ZBTB20: variants seen among roughly 807,000 people sequenced by gnomAD.
The protein encoded by ZBTB20 is zinc finger and BTB domain-containing protein 20.
In ZBTB20, 9 loss-of-function variants were observed where a neutral mutation model predicts 56.9. The observed-to-expected ratio is 0.16, with a 90% CI of 0.10 to 0.28. ZBTB20 has a LOEUF of 0.28. ZBTB20 is among the 10% of genes least tolerant of loss of function. ZBTB20 has a pLI of 1.00. For missense variants in ZBTB20, 655 were observed against 1,003.0 expected, an observed-to-expected ratio of 0.65 and a Z score of 4.69; for synonymous variants, 417 against 420.7, an observed-to-expected ratio of 0.99 and a Z score of 0.11.
At chr3:115,138,828 G>C (rs2084729097) in intron 1 of ZBTB20, among the ~76,000 whole-genome samples, 1 of 151,968 alleles carries the variant, frequency 6.6e-6, no homozygotes, top group Admixed American at 6.6e-5. Context: ...TTTAATACAA[G>C]GATAGAATGC....
chr3:114,792,503 T>C (rs2071032852), intron 5 of ZBTB20, among the ~76,000 whole-genome samples: 1 of 152,172 alleles, frequency 6.6e-6, no homozygotes, highest in African/African-American at 2.4e-5. Context: ...CCCTAACAGG[T>C]AGCATTGCTT....
intron 6 of ZBTB20, among the ~76,000 whole-genome samples, chr3:114,563,024 C>T (rs2052277163): frequency 6.6e-6 from 1 of 152,156 alleles, no homozygotes; most frequent in South Asian, 2.1e-4. Context: ...GAAGTGAGCA[C>T]ATGCTGTTGG....
At chr3:115,053,857 T>G (rs1216193079) in intron 2 of ZBTB20, among the ~76,000 whole-genome samples, 1 of 152,142 alleles carries the variant, frequency 6.6e-6, no homozygotes, top group Non-Finnish European at 1.5e-5. Context: ...CAACAGAATG[T>G]GTCGGTATAA....
Position 114,722,160 on chromosome 3 carries a change from C to T in ZBTB20, c.-342-28585G>A, listed in dbSNP as rs557971496. Among the ~76,000 whole-genome samples, 17 of 152,264 alleles carry T rather than the reference C, an allele frequency of 1.1e-4. 1 individual carries two copies. The South Asian group carries it at 3.5e-3, about 32-fold the overall frequency. ...GGGTGTAAAAGTCAAAAGAGTATGA[C>T]CCAGAGTCAGACAAATATTGGTTCA... On this transcript the variant is annotated intron_variant, in intron 5 of 11. Coordinates refer to ENST00000675478, the MANE Select transcript of ZBTB20 (RefSeq NM_001348800.3).
chr3:115,024,090 G>C (rs2080315700), intron 2 of ZBTB20, among the ~76,000 whole-genome samples: 2 of 151,056 alleles, frequency 1.3e-5, no homozygotes, highest in South Asian at 4.1e-4. Flanking sequence ...CTTCTTGCAA[G>C]ACTAAATGAG....
chr3:114,835,637 A>C (rs1424795573), intron 4 of ZBTB20, among the ~76,000 whole-genome samples: 1 of 152,174 alleles, frequency 6.6e-6, no homozygotes, highest in African/African-American at 2.4e-5. Flanking sequence ...TAGCAGATCA[A>C]GTATAAGCCC....
At chr3:114,357,507 T>C (rs2081371588) in intron 10 of ZBTB20, among the ~76,000 whole-genome samples, 1 of 152,266 alleles carries the variant, frequency 6.6e-6, no homozygotes, top group South Asian at 2.1e-4. Flanking sequence ...TTTTATTCAT[T>C]CATAGAACAT....
intron 1 of ZBTB20, among the ~76,000 whole-genome samples, chr3:115,091,090 C>G (rs963465512): frequency 5.9e-5 from 9 of 151,512 alleles, no homozygotes; most frequent in African/African-American, 1.7e-4. Context: ...GAGAGTGGAG[C>G]TCAATTAACC....
chr3:114,523,986 A>T (rs1047394129), intron 6 of ZBTB20, among the ~76,000 whole-genome samples: 1 of 152,204 alleles, frequency 6.6e-6, no homozygotes, highest in Non-Finnish European at 1.5e-5. Context: ...TTCAGCTGGC[A>T]CACAGGCATG....
At chr3:114,544,422 TTTCTTTCTTTCTTTCTTTCTTTCTTTC>T (rs778846071) in intron 6 of ZBTB20, among the ~76,000 whole-genome samples, 2,967 of 50,066 alleles carry the variant, frequency 0.059, 55 homozygotes, top group Admixed American at 0.069. Context: ...TCTTTCTTTC[TTTCTTTCTTTCTTTCTTTCTTTCTTTC>T]TTTCTTTCTT....
At chr3:114,535,738 C>A (rs542525436) in intron 6 of ZBTB20, among the ~76,000 whole-genome samples, 21 of 152,234 alleles carry the variant, frequency 1.4e-4, no homozygotes, top group African/African-American at 4.8e-4. Context: ...ATGTGAAAAT[C>A]CTCGATAAAA....
At chr3:115,117,565 C>G (rs1254584166) in intron 1 of ZBTB20, among the ~76,000 whole-genome samples, 1 of 151,690 alleles carries the variant, frequency 6.6e-6, no homozygotes, top group African/African-American at 2.4e-5. Flanking sequence ...TCATCTGCTT[C>G]AAAATTAGGA....
At chr3:115,111,588 G>A (rs1376450199) in intron 1 of ZBTB20, among the ~76,000 whole-genome samples, 1 of 151,996 alleles carries the variant, frequency 6.6e-6, no homozygotes, top group Non-Finnish European at 1.5e-5. Context: ...TTAATCAGAT[G>A]TTTAAAAATA....
intron 11 of ZBTB20, among the ~76,000 whole-genome samples, chr3:114,346,132 C>G (rs923801969): frequency 2.0e-5 from 3 of 152,066 alleles, no homozygotes; most frequent in East Asian, 3.9e-4. Flanking sequence ...TTTTCTTTTA[C>G]TGTTATAAAA....
At chr3:114,769,746 G>T (rs2069062479) in intron 5 of ZBTB20, among the ~76,000 whole-genome samples, 1 of 151,840 alleles carries the variant, frequency 6.6e-6, no homozygotes. Context: ...GCTAAGCTAT[G>T]AGGGTGCAAA....
chr3:115,128,722 G>A (rs1196700960), intron 1 of ZBTB20, among the ~76,000 whole-genome samples: 1 of 135,804 alleles, frequency 7.4e-6, no homozygotes, highest in Non-Finnish European at 1.6e-5. Context: ...GAGGGGAGGG[G>A]AGGGCAGTGG....
At chr3:114,383,145 G>A (rs980951022) in intron 8 of ZBTB20, among the ~76,000 whole-genome samples, 52 of 152,304 alleles carry the variant, frequency 3.4e-4, no homozygotes, top group African/African-American at 1.2e-3. Context: ...AAGTCTGTGA[G>A]GGGTATTTAA....
chr3:114,491,100 C>T (rs1028089682), intron 7 of ZBTB20, among the ~76,000 whole-genome samples: 1 of 152,204 alleles, frequency 6.6e-6, no homozygotes, highest in Non-Finnish European at 1.5e-5. Context: ...ATATACTCAA[C>T]AGATGCCTGG....
At chr3:114,526,514 T>C (rs2047238634) in intron 6 of ZBTB20, among the ~76,000 whole-genome samples, 1 of 152,074 alleles carries the variant, frequency 6.6e-6, no homozygotes, top group African/African-American at 2.4e-5. Flanking sequence ...GTTCCTTTGA[T>C]AAATAATAAA....
Sources: gnomAD v4.1 joint callset for allele counts (sites outside exome capture counted in the v4.1 genomes callset) on GRCh38, gnomAD v4.1.1 for gene constraint, MANE v1.5 for transcripts, NCBI Gene and HGNC (gene_info 2026-07-23, HGNC 2026-07-21) for gene names.